RSL1D1: variants seen among roughly 807,000 people sequenced by gnomAD.
RSL1D1 encodes the protein ribosomal L1 domain containing 1, also known as ribosomal L1 domain-containing protein 1.
Under a neutral mutation model 44.6 loss-of-function variants are expected in RSL1D1, and 34 were observed. The ratio of observed to expected loss-of-function variants is 0.76; its 90% CI spans 0.58 to 1.02. RSL1D1 has a LOEUF of 1.02. Ranked by LOEUF, RSL1D1 falls within the 50% of genes least tolerant of loss-of-function variation. The pLI is 0.00. For synonymous variants in RSL1D1, 271 were observed against 207.4 expected (o/e 1.31, Z -2.63); for missense variants, 767 against 568.1 (o/e 1.35, Z -3.56).
At chr16:11,840,303 C>A (rs59568983) in intron 7 of RSL1D1, among the ~76,000 whole-genome samples, 5,789 of 152,240 alleles carry the variant, frequency 0.038, 369 homozygotes, top group African/African-American at 0.13. Context: ...CGGTGGCTCA[C>A]GCCTGTAATC....
rs766927966 is a variant in RSL1D1, at chr16:11,851,523, C to T, written c.-11G>A. Reference sequence around the variant, plus strand: ...GGCCGAATCCTCCATCTTGTTTCCACCTCGTGAAGAGGCGCGTGTGCAACC... The same window carrying T: ...GGCCGAATCCTCCATCTTGTTTCCATCTCGTGAAGAGGCGCGTGTGCAACC... On this transcript the variant is annotated 5_prime_UTR_variant, in exon 1 of 9. It adds an upstream start codon to the 5' untranslated region. Transcript: ENST00000571133. 6.2e-7 allele frequency: 1 copy of T among 1,612,676 alleles called. No homozygotes were observed.
intron 8 of RSL1D1, among the ~76,000 whole-genome samples, chr16:11,838,464 A>C (rs2053737863): frequency 6.6e-6 from 1 of 152,000 alleles, no homozygotes. Flanking sequence ...TGCCCGGCCA[A>C]GTTACTGTTT....
intron 8 of RSL1D1, 80 bp from the exon 9 acceptor site, chr16:11,838,193 T>A: frequency 8.5e-7 from 1 of 1,171,034 alleles, no homozygotes; most frequent in Admixed American, 2.5e-5. Flanking sequence ...CTGTTTTTAT[T>A]TGTATTTATT....
chr16:11,846,899 G>A, intron 3 of RSL1D1, 56 bp from the exon 4 acceptor site: 1 of 1,440,332 alleles, frequency 6.9e-7, no homozygotes, highest in Non-Finnish European at 9.6e-7. Flanking sequence ...ACAAGGAGAA[G>A]AAATACTTAG....
In RSL1D1 at chr16:11,851,531, A is replaced by G. The variant is rs112341669; in HGVS notation, c.-19T>C. 18 of 1,611,216 alleles carry G rather than the reference A, an allele frequency of 1.1e-5. No homozygotes were observed. The highest frequency in any genetic ancestry group is 5.3e-5 in the African/African-American group (4 of 74,864). ...CCTCCATCTTGTTTCCACCTCGTGA[A>G]GAGGCGCGTGTGCAACCCCACTGCT... On this transcript the variant is annotated 5_prime_UTR_variant, in exon 1 of 9. Coordinates refer to ENST00000571133, the MANE Select transcript of RSL1D1 (RefSeq NM_015659.3).
At position 11,834,001 on chromosome 16, in the gene RSL1D1, T is replaced by C. The variant is rs945813938; in HGVS notation, c.*3786A>G. On this transcript the variant is annotated 3_prime_UTR_variant, in exon 9 of 9. Coordinates refer to ENST00000571133, the MANE Select transcript of RSL1D1 (RefSeq NM_015659.3). ...AAATCTCCCTGGTGAAGAGGATGGA[T>C]TCCAGAAACCCAGTGCCAACAATGA... is the stretch of plus-strand genomic sequence containing the variant. The C allele has an allele frequency of 5.9e-5, 9 of 152,164 alleles. No individual in the cohort carries two copies. Among genetic ancestry groups the C allele is most frequent in the African/African-American group, 2.2e-4 (9 of 41,444 alleles). 9.4% of individuals were successfully genotyped at this position (152,164 alleles called of 1,614,324 possible).
At position 11,845,915 on chromosome 16, in the gene RSL1D1, G is replaced by A. The variant is rs531979329; in HGVS notation, c.635+586C>T. On this transcript the variant is annotated intron_variant, in intron 5 of 8. Transcript: ENST00000571133. ...GTTCTTGATTTTTCTGTAATTGGCTGGGGGAGAGGGTCTCATTATGTTGCC... is the reference window on the plus strand; with the variant it reads ...GTTCTTGATTTTTCTGTAATTGGCTAGGGGAGAGGGTCTCATTATGTTGCC... Among the ~76,000 whole-genome samples the A allele has an allele frequency of 6.6e-5, 10 of 151,478 alleles. No homozygotes were observed. In the South Asian group the frequency reaches 2.1e-3, roughly 32 times the overall value.
Position 11,846,726 on chromosome 16 carries a change from G to A in RSL1D1, c.502C>T (p.Leu168Phe), listed in dbSNP as rs770120854. The A allele has an allele frequency of 1.2e-6, 2 of 1,614,072 alleles. No individual in the cohort carries two copies. The highest frequency in any genetic ancestry group is 1.7e-6 in the Non-Finnish European group (2 of 1,179,974). Residue 168 changes from leucine to phenylalanine, a missense_variant, in exon 4 of 9, where the codon CTC (leucine) becomes TTC (phenylalanine). By Grantham distance (22) the Leu-to-Phe change is conservative. Coordinates refer to ENST00000571133, the MANE Select transcript of RSL1D1 (RefSeq NM_015659.3). ...DARIRRLLPSLIGRHFYQRKK... is the reference protein window; with the variant it reads ...DARIRRLLPSFIGRHFYQRKK... The stretch of plus-strand genomic sequence containing the variant: ...CTTTGATAGAAATGTCTCCCAATGA[G>A]TGAGGGTAAGAGCCGCCTAATTCTG...
At chr16:11,849,435 T>C (rs1457966929) in intron 2 of RSL1D1, 1 of 147,464 alleles carries the variant, frequency 6.8e-6, no homozygotes, top group African/African-American at 2.5e-5. Context: ...ACCAAAAACA[T>C]GGACTAAACC....
In RSL1D1 at chr16:11,847,073, C is replaced by CAT. The variant is rs972179097; in HGVS notation, c.385-232_385-231dup. 7.9e-5 allele frequency among the ~76,000 whole-genome samples: 12 copies of CAT among 152,176 alleles called. No homozygotes were observed. The East Asian group carries it at 1.5e-3, about 20-fold the overall frequency. ...AAGCAACTTAGATCTAGGTGGGCAA[C>CAT]ATATATATATTATTATACATATGTT... On this transcript the variant is annotated intron_variant, in intron 3 of 8. Transcript: ENST00000571133.
rs1596435872 is a variant in RSL1D1, at chr16:11,836,385, T to C, written c.*1402A>G. The C allele has an allele frequency of 1.3e-5, 2 of 152,220 alleles. No homozygotes were observed. Among genetic ancestry groups the C allele is most frequent in the Admixed American group, 6.5e-5 (1 of 15,276 alleles). 9.4% of individuals were successfully genotyped at this position (152,220 alleles called of 1,614,324 possible). A position where few individuals can be genotyped will look rare whatever the true frequency, so the allele number is the denominator to read the frequency against. The stretch of plus-strand genomic sequence containing the variant: ...GCACCCACATTATCTTTGAAAGCAG[T>C]TGAGTCTTTGGCATGCAAGAACATT... On this transcript the variant is annotated 3_prime_UTR_variant, in exon 9 of 9. Transcript: ENST00000571133.
chr16:11,844,674 C>T (rs1184508592), intron 5 of RSL1D1, among the ~76,000 whole-genome samples: 2 of 152,182 alleles, frequency 1.3e-5, no homozygotes, highest in Non-Finnish European at 2.9e-5. Flanking sequence ...GGCAAGAAGT[C>T]TGTGTTGTTT....
chr16:11,848,639 A>C (rs2053815289), intron 2 of RSL1D1, among the ~76,000 whole-genome samples: 1 of 152,128 alleles, frequency 6.6e-6, no homozygotes, highest in South Asian at 2.1e-4. Flanking sequence ...GGCACGTACC[A>C]GTTGGGTGTA....
At chr16:11,846,873 G>C (rs755535628) in intron 3 of RSL1D1, 30 bp from the exon 4 acceptor site, 9 of 1,548,592 alleles carry the variant, frequency 5.8e-6, no homozygotes, top group Admixed American at 3.6e-5. Context: ...ATAAAAACAA[G>C]AAGTTAGGAA....
At chr16:11,839,357 C>G (rs561098402) in intron 8 of RSL1D1, among the ~76,000 whole-genome samples, 149 of 142,062 alleles carry the variant, frequency 1.0e-3, no homozygotes, top group African/African-American at 3.8e-3. Flanking sequence ...CAGAGTGAGA[C>G]TCCATCTTCA....
Position 11,846,119 on chromosome 16 carries a change from G to A in RSL1D1, c.635+382C>T, listed in dbSNP as rs202002793. On this transcript the variant is annotated intron_variant, in intron 5 of 8. Transcript: ENST00000571133. ...CAAAATCTTTTTAAAAAGGCCAGGT[G>A]CAGTGGCTCACGCCTGTAATCCCAG... Among the ~76,000 whole-genome samples the A allele has an allele frequency of 4.6e-5, 7 of 151,656 alleles. No homozygotes were observed. In the East Asian group the frequency reaches 1.4e-3, roughly 30 times the overall value.
chr16:11,848,827 TCTCA>T (rs2053816584), intron 2 of RSL1D1, among the ~76,000 whole-genome samples: 1 of 144,366 alleles, frequency 6.9e-6, no homozygotes, highest in African/African-American at 2.6e-5. Context: ...GAGATGGGAG[TCTCA>T]CTGTCGCCCA....
chr16:11,851,404 T>A lies in RSL1D1; in HGVS notation c.105+4A>T, dbSNP rs1448272557. On this transcript the variant is annotated splice_donor_region_variant and intron_variant, in intron 1 of 8. Coordinates refer to ENST00000571133, the MANE Select transcript of RSL1D1 (RefSeq NM_015659.3). Reference sequence around the variant, plus strand: ...CCAAGCCACCCTCCCCAGGAACCACTCACCTGTTCTTTATCCAGCTGCTTC... The same window carrying A: ...CCAAGCCACCCTCCCCAGGAACCACACACCTGTTCTTTATCCAGCTGCTTC... 1 of 1,613,732 alleles carries A rather than the reference T, an allele frequency of 6.2e-7. No homozygotes were observed. Among genetic ancestry groups the A allele is most frequent in the Non-Finnish European group, 8.5e-7 (1 of 1,179,652 alleles).
intron 1 of RSL1D1, among the ~76,000 whole-genome samples, chr16:11,850,793 A>G (rs1472108752): frequency 1.3e-5 from 2 of 152,144 alleles, no homozygotes; most frequent in Non-Finnish European, 2.9e-5. Context: ...AACTCCTGGC[A>G]ATTCTCCTGC....
Sources: gnomAD v4.1 joint callset for allele counts (sites outside exome capture counted in the v4.1 genomes callset) on GRCh38, gnomAD v4.1.1 for gene constraint, MANE v1.5 for transcripts, NCBI Gene and HGNC (gene_info 2026-07-23, HGNC 2026-07-21) for gene names.